XRCC4: variants seen among roughly 807,000 people sequenced by gnomAD.
XRCC4 encodes the protein DNA repair protein XRCC4.
XRCC4 carries 28 observed loss-of-function variants against 39.1 expected under a neutral mutation model. That is an observed-to-expected ratio of 0.72 (90% CI 0.53 to 0.98). XRCC4 has a LOEUF of 0.98. Ranked by LOEUF, XRCC4 falls within the 50% of genes least tolerant of loss-of-function variation. XRCC4 has a pLI of 0.00. For synonymous variants in XRCC4, 123 were observed against 126.4 expected, an observed-to-expected ratio of 0.97 and a Z score of 0.18; for missense variants, 350 against 376.4, an observed-to-expected ratio of 0.93 and a Z score of 0.58.
intron 7 of XRCC4, among the ~76,000 whole-genome samples, chr5:83,329,228 G>T (rs181968666): frequency 6.6e-6 from 1 of 152,170 alleles, no homozygotes; most frequent in Admixed American, 6.6e-5. Context: ...CGTCTTAAGA[G>T]AACATATTCT....
At chr5:83,118,459 C>T (rs1043612169) in intron 3 of XRCC4, among the ~76,000 whole-genome samples, 1 of 152,068 alleles carries the variant, frequency 6.6e-6, no homozygotes, top group Admixed American at 6.6e-5. Flanking sequence ...AGTCAGTGTG[C>T]CCAACAGTCT....
chr5:83,343,806 G>T (rs1756833857), intron 7 of XRCC4, among the ~76,000 whole-genome samples: 1 of 152,134 alleles, frequency 6.6e-6, no homozygotes, highest in Non-Finnish European at 1.5e-5. Context: ...AATGACTGCT[G>T]TCTTGGTTCA....
intron 7 of XRCC4, among the ~76,000 whole-genome samples, chr5:83,301,049 G>A (rs563702315): frequency 2.1e-4 from 32 of 152,212 alleles, no homozygotes; most frequent in South Asian, 6.2e-4. Context: ...ATATGTGTGC[G>A]TGTGTCTTTA....
At chr5:83,090,238 G>T (rs981209581) in intron 1 of XRCC4, among the ~76,000 whole-genome samples, 42 of 152,096 alleles carry the variant, frequency 2.8e-4, no homozygotes, top group African/African-American at 1.0e-3. Flanking sequence ...TTGTGGGAGA[G>T]ACCCAGTGGG....
chr5:83,256,028 T>G (rs1381945464), intron 6 of XRCC4, among the ~76,000 whole-genome samples: 3 of 152,248 alleles, frequency 2.0e-5, no homozygotes, highest in Non-Finnish European at 4.4e-5. Context: ...AACCCATATG[T>G]AATATTCATC....
intron 1 of XRCC4, among the ~76,000 whole-genome samples, chr5:83,101,753 A>T (rs930384469): frequency 2.6e-5 from 4 of 152,122 alleles, no homozygotes; most frequent in Non-Finnish European, 2.9e-5. Flanking sequence ...TAGAAGAAGA[A>T]GTTTATCAGA....
At chr5:83,290,086 G>T (rs1411093140) in intron 7 of XRCC4, among the ~76,000 whole-genome samples, 1 of 151,676 alleles carries the variant, frequency 6.6e-6, no homozygotes, top group East Asian at 1.9e-4. Flanking sequence ...CTCTACCCCA[G>T]GTAACCACAT....
chr5:83,354,628 T>TTCTTTAGATG (rs1757169090), downstream of XRCC4, among the ~76,000 whole-genome samples: 2 of 152,238 alleles, frequency 1.3e-5, no homozygotes, highest in East Asian at 3.8e-4. Flanking sequence ...ACTTATACCT[T>TTCTTTAGATG]TCTTTAGATG....
intron 4 of XRCC4, chr5:83,201,873 C>T (rs1455886726): frequency 6.6e-6 from 1 of 152,126 alleles, no homozygotes; most frequent in Non-Finnish European, 1.5e-5. Context: ...GAAACCCTGT[C>T]TCTACTAAAA....
chr5:83,103,009 G>GAGATATATATATATATATATATAT (rs1554054063), intron 1 of XRCC4, among the ~76,000 whole-genome samples: 1 of 106,458 alleles, frequency 9.4e-6, no homozygotes, highest in Non-Finnish European at 1.9e-5. Context: ...AGATAGAGCT[G>GAGATATATATATATATATATATAT]ATATATATAT....
At chr5:83,256,183 C>T (rs905218182) in intron 6 of XRCC4, among the ~76,000 whole-genome samples, 1 of 152,138 alleles carries the variant, frequency 6.6e-6, no homozygotes, top group East Asian at 1.9e-4. Context: ...TTTCTGATCC[C>T]ATCAGCCTGC....
At chr5:83,223,961 A>T (rs1752191898) in intron 6 of XRCC4, among the ~76,000 whole-genome samples, 1 of 150,340 alleles carries the variant, frequency 6.7e-6, no homozygotes, top group Admixed American at 6.6e-5. Context: ...ATCCTTTTTT[A>T]TGGCTGCATA....
intron 3 of XRCC4, among the ~76,000 whole-genome samples, chr5:83,172,796 A>G (rs191661678): frequency 4.6e-5 from 7 of 152,168 alleles, no homozygotes; most frequent in African/African-American, 1.7e-4. Flanking sequence ...GACAACAACA[A>G]TGGAAAAATT....
At chr5:83,175,406 G>A (rs1219511501) in intron 3 of XRCC4, among the ~76,000 whole-genome samples, 3 of 152,122 alleles carry the variant, frequency 2.0e-5, no homozygotes, top group East Asian at 1.9e-4. Context: ...TTAAAAATAT[G>A]TATTTAAAAA....
At chr5:83,120,863 A>G (rs972206792) in intron 3 of XRCC4, among the ~76,000 whole-genome samples, 1 of 152,210 alleles carries the variant, frequency 6.6e-6, no homozygotes, top group Non-Finnish European at 1.5e-5. Flanking sequence ...GTACATACCC[A>G]TGAAACTGTC....
chr5:83,166,058 T>G (rs181275885), intron 3 of XRCC4, among the ~76,000 whole-genome samples: 265 of 152,016 alleles, frequency 1.7e-3, no homozygotes, highest in Non-Finnish European at 3.3e-3. Flanking sequence ...GCTAATTTTT[T>G]GTATTTTTAG....
At chr5:83,320,441 G>A (rs950307229) in intron 7 of XRCC4, among the ~76,000 whole-genome samples, 1 of 150,474 alleles carries the variant, frequency 6.6e-6, no homozygotes, top group South Asian at 2.1e-4. Flanking sequence ...TATGAACATT[G>A]TTAAAATTAC....
intron 3 of XRCC4, among the ~76,000 whole-genome samples, chr5:83,135,610 GC>G (rs947826533): frequency 5.9e-5 from 9 of 151,696 alleles, no homozygotes; most frequent in East Asian, 3.9e-4. Flanking sequence ...ATCCTGTATT[GC>G]CCCCTGCCAC....
intron 1 of XRCC4, among the ~76,000 whole-genome samples, chr5:83,102,763 G>A (rs1746000426): frequency 6.6e-6 from 1 of 151,830 alleles, no homozygotes; most frequent in African/African-American, 2.4e-5. Flanking sequence ...CTCTTTCATG[G>A]TCCAACCCTG....
Sources: gnomAD v4.1 joint callset for allele counts (sites outside exome capture counted in the v4.1 genomes callset) on GRCh38, gnomAD v4.1.1 for gene constraint, MANE v1.5 for transcripts, NCBI Gene and HGNC (gene_info 2026-07-23, HGNC 2026-07-21) for gene names.